Variants in DDX25 observed in about 807,000 individuals in gnomAD.
The protein encoded by DDX25 is ATP-dependent RNA helicase DDX25.
DDX25 carries 70 observed loss-of-function variants against 64.6 expected under a neutral mutation model. That is an observed-to-expected ratio of 1.08 (90% CI 0.89 to 1.32). DDX25 has a LOEUF of 1.32. DDX25 is among the 40% of genes most tolerant of loss of function. The pLI is 0.00. For synonymous variants in DDX25, 211 were observed against 213.3 expected (o/e 0.99, Z 0.09); for missense variants, 587 against 604.4 (o/e 0.97, Z 0.30).
rs180763746 is a variant in DDX25, at chr11:125,921,353, C to T, written c.1364C>T (p.Ser455Leu). 5.6e-5 allele frequency: 91 copies of T among 1,613,798 alleles called. 1 individual carries two copies. The East Asian group carries it at 1.7e-3, about 30-fold the overall frequency. ...FNMIEVDELP[S>L]LMKIQDHFNS... Reference sequence around the variant, plus strand: ...ATGATTGAAGTAGATGAGCTGCCCTCGCTCATGAAAATCCAGGACCACTTT... The same window carrying T: ...ATGATTGAAGTAGATGAGCTGCCCTTGCTCATGAAAATCCAGGACCACTTT... The change falls in exon 11 of 12, where the codon TCG (serine) becomes TTG (leucine). Residue 455 changes from serine (S) to leucine (L), a missense_variant. Transcript: ENST00000263576. This position sits in a 1 kb window ranked among gnomAD's most constrained non-coding sequence, Gnocchi z 4.1.
At chr11:125,906,473 G>A (rs1186279844) in intron 4 of DDX25, among the ~76,000 whole-genome samples, 3 of 151,466 alleles carry the variant, frequency 2.0e-5, no homozygotes, top group South Asian at 2.1e-4. Flanking sequence ...GCACCACCAC[G>A]CCCAGTTAAT....
chr11:125,910,867 A>C (rs779807881), intron 7 of DDX25, among the ~76,000 whole-genome samples: 3 of 151,836 alleles, frequency 2.0e-5, no homozygotes, highest in Non-Finnish European at 4.4e-5. Flanking sequence ...CCTTCCAGAA[A>C]CGTAATGCCA....
intron 8 of DDX25, among the ~76,000 whole-genome samples, chr11:125,912,595 A>G (rs994370516): frequency 6.6e-6 from 1 of 152,234 alleles, no homozygotes; most frequent in Non-Finnish European, 1.5e-5. Flanking sequence ...GTCCATATAC[A>G]TTCGGTACAA....
rs1261010861 is a variant in DDX25, at chr11:125,924,997, A to T, written c.*2116A>T. ...AGGAACCTTTGTCTTTGTTGAGTAA[A>T]TTTTTTTTTCTTTTGCCACTTCCTC... On this transcript the variant is annotated 3_prime_UTR_variant, in exon 12 of 12. Transcript: ENST00000263576. The T allele has an allele frequency of 6.0e-6, 1 of 165,328 alleles. No individual in the cohort carries two copies. The highest frequency in any genetic ancestry group is 1.7e-4 in the East Asian group (1 of 5,840). The allele number at this position is 165,328 out of a possible 1,614,324, so 10.2% of individuals were successfully genotyped here. A position where few individuals can be genotyped will look rare whatever the true frequency, so the allele number is the denominator to read the frequency against.
At chr11:125,913,857 A>G (rs963978109) in intron 8 of DDX25, among the ~76,000 whole-genome samples, 1 of 77,996 alleles carries the variant, frequency 1.3e-5, no homozygotes, top group Non-Finnish European at 2.7e-5. Flanking sequence ...AATCATAACA[A>G]TCCAAAAAAA....
chr11:125,917,065 C>G lies in DDX25; in HGVS notation c.852C>G (p.Asp284Glu), dbSNP rs370049057. The change falls in exon 9 of 12, where the codon GAC (aspartate) becomes GAG (glutamate). Residue 284 changes from aspartate (D) to glutamate (E), a missense_variant. By Grantham distance (45) the Asp-to-Glu change is conservative. Coordinates refer to ENST00000263576, the MANE Select transcript of DDX25 (RefSeq NM_013264.5). ...QMLLFSATFE[D>E]SVWHFAERII... ...TCCTCTTTTCAGCAACCTTTGAGGACTCTGTGTGGCACTTTGCTGAGCGAA... is the reference window on the plus strand; with the variant it reads ...TCCTCTTTTCAGCAACCTTTGAGGAGTCTGTGTGGCACTTTGCTGAGCGAA... 23 of 1,609,270 alleles carry G rather than the reference C, an allele frequency of 1.4e-5. No homozygotes were observed. Among genetic ancestry groups the G allele is most frequent in the Non-Finnish European group, 1.6e-5 (19 of 1,178,204 alleles).
At chr11:125,913,648 C>T (rs1944996097) in intron 8 of DDX25, among the ~76,000 whole-genome samples, 1 of 151,568 alleles carries the variant, frequency 6.6e-6, no homozygotes, top group South Asian at 2.1e-4. Context: ...TCGCGAGAAG[C>T]CTTTGGAGTC....
At chr11:125,905,496 T>G (rs1480723332) in intron 2 of DDX25, 57 bp from the exon 3 acceptor site, 6 of 1,513,376 alleles carry the variant, frequency 4.0e-6, no homozygotes, top group Middle Eastern at 1.7e-4. Flanking sequence ...TAGCATGCTT[T>G]ACATTTGTGC....
Position 125,921,294 on chromosome 11 carries a change from G to T in DDX25, c.1305G>T (p.Thr435=). Residue 435 remains threonine, a synonymous_variant, in exon 11 of 12, where the codon ACG becomes ACT. Transcript: ENST00000263576. This position sits in a 1 kb window ranked among gnomAD's most constrained non-coding sequence, Gnocchi z 4.1. ...YETYLHRIGR[T]GRFGKKGLAF... ...CCTACCTCCACCGCATAGGGCGGAC[G>T]GGGCGCTTTGGGAAAAAAGGCCTTG... is the stretch of plus-strand genomic sequence containing the variant. The T allele has an allele frequency of 6.2e-7, 1 of 1,613,556 alleles. No homozygotes were observed. The highest frequency in any genetic ancestry group is 8.5e-7 in the Non-Finnish European group (1 of 1,179,740).
chr11:125,917,687 C>G (rs1945056587), intron 9 of DDX25, among the ~76,000 whole-genome samples: 1 of 152,108 alleles, frequency 6.6e-6, no homozygotes, highest in Non-Finnish European at 1.5e-5. Context: ...ACAGCAGGGT[C>G]TCCTCTCTCT....
At chr11:125,916,876 G>A (rs927132466) in intron 8 of DDX25, 138 bp from the exon 9 acceptor site, 1 of 778,894 alleles carries the variant, frequency 1.3e-6, no homozygotes, top group Non-Finnish European at 2.1e-6. Context: ...CTATCTGCCT[G>A]GAGATACAGC....
At chr11:125,911,626 T>C in intron 8 of DDX25, 138 bp downstream of exon 8, 1 of 918,896 alleles carries the variant, frequency 1.1e-6, no homozygotes, top group South Asian at 1.9e-5. Flanking sequence ...TTTTACATTA[T>C]TTTCACCAGT....
chr11:125,908,269 C>G lies in DDX25; in HGVS notation c.385C>G (p.Pro129Ala), dbSNP rs1261459561. 1.2e-6 allele frequency: 2 copies of G among 1,613,830 alleles called. No individual in the cohort carries two copies. Among genetic ancestry groups the G allele is most frequent in the Admixed American group, 3.3e-5 (2 of 59,994 alleles). Residue 129 changes from proline (P) to alanine (A), a missense_variant, in exon 5 of 12, where the codon CCT becomes GCT. Coordinates refer to ENST00000263576, the MANE Select transcript of DDX25 (RefSeq NM_013264.5). ...ATCTAAAATCCAAGAGATGGCTCTC[C>G]CTATGATGCTGGCACATCCGTGAGT... is the stretch of plus-strand genomic sequence containing the variant. ...RPSKIQEMAL[P>A]MMLAHPPQNL...
At chr11:125,907,381 G>A (rs1448679016) in intron 4 of DDX25, among the ~76,000 whole-genome samples, 3 of 152,114 alleles carry the variant, frequency 2.0e-5, no homozygotes, top group South Asian at 2.1e-4. Context: ...GGCCAAGGGG[G>A]GCGGATCACG....
chr11:125,910,644 A>G (rs1015530362), intron 7 of DDX25, among the ~76,000 whole-genome samples, 166 bp downstream of exon 7: 1 of 152,226 alleles, frequency 6.6e-6, no homozygotes, highest in Admixed American at 6.5e-5. Flanking sequence ...AAAGCATTGT[A>G]CACAATGCCT....
In DDX25 at chr11:125,920,456, G is replaced by A. The variant is rs558482523; in HGVS notation, c.1202-735G>A. 3.4e-4 allele frequency among the ~76,000 whole-genome samples: 52 copies of A among 151,902 alleles called. 1 individual carries two copies. Among genetic ancestry groups the A allele is most frequent in the African/African-American group, 1.2e-3 (51 of 41,454 alleles). ...CATCTCAAAAAAAAAAAAGAAAAAA[G>A]TTTTGCAGGAAGGGTAGCAGTTCAG... is the stretch of plus-strand genomic sequence containing the variant. On this transcript the variant is annotated intron_variant, in intron 10 of 11. Coordinates refer to ENST00000263576, the MANE Select transcript of DDX25 (RefSeq NM_013264.5).
chr11:125,909,711 T>C (rs1336880016), intron 6 of DDX25, among the ~76,000 whole-genome samples: 2 of 151,504 alleles, frequency 1.3e-5, no homozygotes, highest in Non-Finnish European at 2.9e-5. Flanking sequence ...TGCAGTGGCA[T>C]GATCTTGGCT....
chr11:125,925,608 G>A lies in DDX25; in HGVS notation c.*2727G>A, dbSNP rs1030715949. 5.3e-6 allele frequency: 2 copies of A among 377,628 alleles called. No individual in the cohort carries two copies. The highest frequency in any genetic ancestry group is 2.1e-5 in the African/African-American group (1 of 47,788). The allele number at this position is 377,628 out of a possible 1,614,324, so 23.4% of individuals were successfully genotyped here. On this transcript the variant is annotated 3_prime_UTR_variant, in exon 12 of 12. Transcript: ENST00000263576. ...GTGCAACTGTGAGCTGGGTTCATCAGCTGTATGTTTCTTGGCACCAAATAC... is the reference window on the plus strand; with the variant it reads ...GTGCAACTGTGAGCTGGGTTCATCAACTGTATGTTTCTTGGCACCAAATAC...
In DDX25 at chr11:125,928,718, T is replaced by A. The variant is rs1228432253; in HGVS notation, c.*5837T>A. On this transcript the variant is annotated 3_prime_UTR_variant, in exon 12 of 12. Coordinates refer to ENST00000263576, the MANE Select transcript of DDX25 (RefSeq NM_013264.5). Reference sequence around the variant, plus strand: ...AGTGGTTCATCATTTGAAAAGCATCTGTAGTGTTCTTTGCCCATTTATCTT... The same window carrying A: ...AGTGGTTCATCATTTGAAAAGCATCAGTAGTGTTCTTTGCCCATTTATCTT... 1 of 152,236 alleles carries A rather than the reference T, an allele frequency of 6.6e-6. No homozygotes were observed. Among genetic ancestry groups the A allele is most frequent in the African/African-American group, 2.4e-5 (1 of 41,464 alleles). The allele number at this position is 152,236 out of a possible 1,614,324, so 9.4% of individuals were successfully genotyped here.
Sources: gnomAD v4.1 joint callset for allele counts (sites outside exome capture counted in the v4.1 genomes callset) on GRCh38, gnomAD v4.1.1 for gene constraint, Gnocchi (gnomAD v3.1) non-coding constraint, MANE v1.5 for transcripts, NCBI Gene and HGNC (gene_info 2026-07-23, HGNC 2026-07-21) for gene names.